Variants in STK32B observed in about 807,000 individuals in gnomAD.
STK32B encodes serine/threonine-protein kinase 32B.
In STK32B, 43 loss-of-function variants were observed where a neutral mutation model predicts 52.6. The ratio of observed to expected loss-of-function variants is 0.82; its 90% CI spans 0.64 to 1.05. STK32B has a LOEUF of 1.05. Among genes scored for constraint, STK32B ranks in the 50% least tolerant of loss-of-function variants. The pLI, the probability that STK32B is intolerant of heterozygous loss-of-function variation, is 0.00. For missense variants in STK32B, 621 were observed against 534.6 expected (o/e 1.16, Z -1.59); for synonymous variants, 238 against 204.3 (o/e 1.17, Z -1.41).
At chr4:5,382,028 C>T (rs1735965446) in intron 4 of STK32B, among the ~76,000 whole-genome samples, 1 of 152,204 alleles carries the variant, frequency 6.6e-6, no homozygotes, top group Non-Finnish European at 1.5e-5. Context: ...AGGCCATCTG[C>T]TGGCACGATT....
rs1737226865 is a variant in STK32B at position 5,400,542 on chromosome 4, C to G, written c.472+2298C>G. Among the ~76,000 whole-genome samples, 1 of 152,138 alleles carries G rather than the reference C, an allele frequency of 6.6e-6. No individual in the cohort carries two copies. The highest frequency in any genetic ancestry group is 6.5e-5 in the Admixed American group (1 of 15,274). The stretch of plus-strand genomic sequence containing the variant: ...GTCTCTGCTAGCTGGTGGGACAGAG[C>G]GTTGAATATAATATTTCATACTGTG... On this transcript the variant is annotated intron_variant, in intron 5 of 11. Coordinates refer to ENST00000282908, the MANE Select transcript of STK32B (RefSeq NM_018401.3). The surrounding 1 kb of genome is among the most constrained non-coding windows in gnomAD (Gnocchi z 6.1).
chr4:5,277,125 T>A (rs1727875763), intron 3 of STK32B, among the ~76,000 whole-genome samples: 1 of 152,190 alleles, frequency 6.6e-6, no homozygotes, highest in Non-Finnish European at 1.5e-5. Context: ...TGGTTTGGGC[T>A]TTTTTCTTTG....
At chr4:5,239,506 T>C (rs1560249389) in intron 3 of STK32B, among the ~76,000 whole-genome samples, 1 of 151,986 alleles carries the variant, frequency 6.6e-6, no homozygotes, top group Non-Finnish European at 1.5e-5. Flanking sequence ...AGTGAGGTAA[T>C]GGGCTCTGGC....
At position 5,099,445 on chromosome 4, in the gene STK32B, T is replaced by TGCGCGCGC. The variant is rs371432040; in HGVS notation, c.53-40459_53-40458insCGCGCGCG. ...TTCTGCAGTCCTCTGTGTGTGTGTG[T>TGCGCGCGC]GTGTGCGCGCGCGCGTATGTGATGT... On this transcript the variant is annotated intron_variant, in intron 1 of 11. Coordinates refer to ENST00000282908, the MANE Select transcript of STK32B (RefSeq NM_018401.3). 4.6e-3 allele frequency among the ~76,000 whole-genome samples: 357 copies of TGCGCGCGC among 77,052 alleles called. 2 individuals carry two copies. Among genetic ancestry groups the TGCGCGCGC allele is most frequent in the African/African-American group, 0.023 (294 of 12,530 alleles). 50.5% of individuals were successfully genotyped at this position (77,052 alleles called of 152,430 possible).
At chr4:5,317,026 AT>A (rs1730981936) in intron 3 of STK32B, among the ~76,000 whole-genome samples, 1 of 44,932 alleles carries the variant, frequency 2.2e-5, no homozygotes, top group Non-Finnish European at 3.2e-5. Flanking sequence ...TATATAATAT[AT>A]ATGATATAAT....
chr4:5,294,625 A>G (rs940775996), intron 3 of STK32B, among the ~76,000 whole-genome samples: 1 of 152,108 alleles, frequency 6.6e-6, no homozygotes, highest in Non-Finnish European at 1.5e-5. Context: ...TTGATTTTGT[A>G]TTCTGAGACT....
intron 3 of STK32B, among the ~76,000 whole-genome samples, chr4:5,328,341 T>C (rs1242187934): frequency 6.6e-6 from 1 of 152,256 alleles, no homozygotes; most frequent in Non-Finnish European, 1.5e-5. Flanking sequence ...GCATTTGGCA[T>C]GTCTTTCTCA....
At chr4:5,283,609 C>T (rs1187863444) in intron 3 of STK32B, among the ~76,000 whole-genome samples, 2 of 152,106 alleles carry the variant, frequency 1.3e-5, no homozygotes, top group South Asian at 4.1e-4. Flanking sequence ...AAACAAATCA[C>T]ATTCAAGGGA....
At chr4:5,480,730 C>T (rs962768366) in intron 11 of STK32B, among the ~76,000 whole-genome samples, 2 of 152,078 alleles carry the variant, frequency 1.3e-5, no homozygotes, top group Non-Finnish European at 2.9e-5. Context: ...TATCCCTCCC[C>T]CCTCCACCCA....
chr4:5,192,741 G>A (rs376126536), intron 3 of STK32B, among the ~76,000 whole-genome samples: 7 of 52,352 alleles, frequency 1.3e-4, no homozygotes, highest in East Asian at 9.7e-4. Context: ...TGAGAACACC[G>A]AGTTCTACTC....
intron 4 of STK32B, among the ~76,000 whole-genome samples, chr4:5,377,950 A>C (rs1006247464): frequency 3.3e-5 from 5 of 152,218 alleles, no homozygotes; most frequent in Non-Finnish European, 7.3e-5. Flanking sequence ...AAATAAAAAC[A>C]AAATAGTAGT....
At chr4:5,257,423 G>A (rs753098874) in intron 3 of STK32B, among the ~76,000 whole-genome samples, 1 of 152,220 alleles carries the variant, frequency 6.6e-6, no homozygotes, top group Non-Finnish European at 1.5e-5. Flanking sequence ...GAGTGAATGA[G>A]TGAGTGATGA....
At chr4:5,039,987 G>A in the STK32B span, among the ~76,000 whole-genome samples, 2 of 152,144 alleles carry the variant, frequency 1.3e-5, no homozygotes, top group East Asian at 1.9e-4. Context: ...CCCACACCAC[G>A]GCTACTTCCT....
intron 11 of STK32B, among the ~76,000 whole-genome samples, chr4:5,481,318 T>C (rs1718686775): frequency 6.6e-6 from 1 of 152,240 alleles, no homozygotes; most frequent in Non-Finnish European, 1.5e-5. Flanking sequence ...TTGATTTGCA[T>C]TTCTCTGATG....
chr4:5,316,301 AAT>A lies in STK32B; in HGVS notation c.261-14910_261-14909del, dbSNP rs564671241. 1.1e-3 allele frequency among the ~76,000 whole-genome samples: 62 copies of A among 57,544 alleles called. 11 individuals are homozygous for A. The highest frequency in any genetic ancestry group is 5.9e-3 in the African/African-American group (39 of 6,580). The allele number at this position is 57,544 out of a possible 152,430, so 37.8% of individuals were successfully genotyped here. ...ATATATTATATACAATATTATATATAATATATATATTGTATATTATATATTAT... is the reference window on the plus strand; with the variant it reads ...ATATATTATATACAATATTATATATAATATATATTGTATATTATATATTAT... On this transcript the variant is annotated intron_variant, in intron 3 of 11. Transcript: ENST00000282908.
At chr4:5,276,306 T>A (rs904015725) in intron 3 of STK32B, among the ~76,000 whole-genome samples, 1 of 151,490 alleles carries the variant, frequency 6.6e-6, no homozygotes, top group Non-Finnish European at 1.5e-5. Flanking sequence ...GAAAAAAAAA[T>A]TCATTTAACC....
intron 3 of STK32B, among the ~76,000 whole-genome samples, chr4:5,283,381 C>A (rs1728335167): frequency 6.6e-6 from 1 of 151,818 alleles, no homozygotes; most frequent in Non-Finnish European, 1.5e-5. Context: ...TCAAGATGTT[C>A]CTGAAAGAGA....
At chr4:5,320,552 T>C (rs1731420244) in intron 3 of STK32B, among the ~76,000 whole-genome samples, 1 of 152,178 alleles carries the variant, frequency 6.6e-6, no homozygotes, top group Non-Finnish European at 1.5e-5. Context: ...CAATGTGATA[T>C]CAGGTCAAGT....
chr4:5,139,610 A>G (rs73091519), intron 1 of STK32B: 5,207 of 398,372 alleles, frequency 0.013, 239 homozygotes, highest in African/African-American at 0.091. Context: ...GTGTAGGGAA[A>G]CATGTAGAAG....
Sources: gnomAD v4.1 joint callset for allele counts (sites outside exome capture counted in the v4.1 genomes callset) on GRCh38, gnomAD v4.1.1 for gene constraint, Gnocchi (gnomAD v3.1) non-coding constraint, MANE v1.5 for transcripts, NCBI Gene and HGNC (gene_info 2026-07-23, HGNC 2026-07-21) for gene names.